BZW2: variants seen among roughly 807,000 people sequenced by gnomAD.
BZW2 encodes basic leucine zipper and W2 domains 2.
In BZW2, 23 loss-of-function variants were observed where a neutral mutation model predicts 53.2. The ratio of observed to expected loss-of-function variants is 0.43; its 90% CI spans 0.31 to 0.61. The LOEUF (loss-of-function observed/expected upper bound fraction) is 0.61, where lower values mean the gene tolerates loss of function less well. Among genes scored for constraint, BZW2 ranks in the 20% least tolerant of loss-of-function variants. BZW2 has a pLI of 0.09. For synonymous variants in BZW2, 227 were observed against 186.4 expected (o/e 1.22, Z -1.77); for missense variants, 409 against 503.1 (o/e 0.81, Z 1.79).
chr7:16,696,855 G>C (rs527639961), intron 8 of BZW2, 60 bp from the exon 9 acceptor site: 1 of 1,572,530 alleles, frequency 6.4e-7, no homozygotes, highest in Non-Finnish European at 8.7e-7. Flanking sequence ...GGCAGCTAGC[G>C]GGGAGATGGG....
chr7:16,682,741 T>C lies in BZW2; in HGVS notation c.340-39T>C, dbSNP rs564499984. On this transcript the variant is annotated intron_variant, in intron 4 of 11. Coordinates refer to ENST00000258761, the MANE Select transcript of BZW2 (RefSeq NM_014038.3). ...TTTCTATTACCTACTTCTGTGTCTTTTTGGTTGACCTAATATTTAATGGTT... is the reference window on the plus strand; with the variant it reads ...TTTCTATTACCTACTTCTGTGTCTTCTTGGTTGACCTAATATTTAATGGTT... 44 of 1,375,200 alleles carry C rather than the reference T, an allele frequency of 3.2e-5. No homozygotes were observed. The South Asian group carries it at 5.5e-4, about 17-fold the overall frequency. 85.2% of individuals were successfully genotyped at this position (1,375,200 alleles called of 1,614,324 possible).
chr7:16,702,285 T>C (rs867841067), intron 10 of BZW2, among the ~76,000 whole-genome samples: 2 of 152,172 alleles, frequency 1.3e-5, no homozygotes, highest in African/African-American at 4.8e-5. Flanking sequence ...CTCTTCGATG[T>C]TCATACTTTG....
chr7:16,659,957 C>T (rs189944849), intron 1 of BZW2, among the ~76,000 whole-genome samples: 15 of 152,008 alleles, frequency 9.9e-5, no homozygotes, highest in African/African-American at 3.1e-4. Flanking sequence ...CCCATTAACT[C>T]GTCATTAACA....
At chr7:16,674,965 T>G (rs1782722737) in intron 3 of BZW2, among the ~76,000 whole-genome samples, 2 of 152,214 alleles carry the variant, frequency 1.3e-5, no homozygotes, top group Admixed American at 6.5e-5. Flanking sequence ...ATTAATGCCA[T>G]TTCATCCATA....
chr7:16,665,440 T>C lies in BZW2; in HGVS notation c.-4T>C, dbSNP rs1185313145. Reference sequence around the variant, plus strand: ...TCTTTATTTTCTTTGTTTTCAGAAATTTTATGAATAAGCATCAGAAGCCAG... The same window carrying C: ...TCTTTATTTTCTTTGTTTTCAGAAACTTTATGAATAAGCATCAGAAGCCAG... On this transcript the variant is annotated 5_prime_UTR_variant, in exon 2 of 12. Transcript: ENST00000258761. 5 of 1,614,046 alleles carry C rather than the reference T, an allele frequency of 3.1e-6. No individual in the cohort carries two copies. Among genetic ancestry groups the C allele is most frequent in the Non-Finnish European group, 4.2e-6 (5 of 1,180,028 alleles).
At chr7:16,671,288 T>C (rs1782590735) in intron 2 of BZW2, among the ~76,000 whole-genome samples, 1 of 152,214 alleles carries the variant, frequency 6.6e-6, no homozygotes, top group African/African-American at 2.4e-5. Context: ...ACATTGTACA[T>C]GCTATTCACA....
rs137913266 is a variant in BZW2, at chr7:16,675,743, C to T, written c.235+1155C>T. 7.2e-5 allele frequency among the ~76,000 whole-genome samples: 11 copies of T among 152,244 alleles called. 1 individual carries two copies. The South Asian group carries it at 1.5e-3, about 20-fold the overall frequency. On this transcript the variant is annotated intron_variant, in intron 3 of 11. Coordinates refer to ENST00000258761, the MANE Select transcript of BZW2 (RefSeq NM_014038.3). ...TATATTGAGCTCAAATCCCATTACC[C>T]GGGAAAAATCATTGTTAACATTTTG...
intron 2 of BZW2, among the ~76,000 whole-genome samples, chr7:16,671,913 A>G (rs2128357280): frequency 9.0e-6 from 1 of 110,780 alleles, no homozygotes; most frequent in African/African-American, 4.3e-5. Flanking sequence ...CCTGGGTGAC[A>G]GAGTGAGACC....
intron 2 of BZW2, among the ~76,000 whole-genome samples, chr7:16,669,368 TC>T (rs1562482035): frequency 6.6e-6 from 1 of 152,220 alleles, no homozygotes; most frequent in Non-Finnish European, 1.5e-5. Flanking sequence ...GCTCAAGTGA[TC>T]CATCTACCTT....
intron 2 of BZW2, among the ~76,000 whole-genome samples, chr7:16,667,062 C>G (rs911122413): frequency 6.6e-6 from 1 of 151,592 alleles, no homozygotes; most frequent in Non-Finnish European, 1.5e-5. Context: ...GCGAGTGGAT[C>G]ACCTAAGGTT....
chr7:16,685,845 A>T (rs1783098899), intron 5 of BZW2, 60 bp from the exon 6 acceptor site: 3 of 1,472,208 alleles, frequency 2.0e-6, no homozygotes, highest in Non-Finnish European at 2.7e-6. Context: ...TGCTTCATAG[A>T]CATGGTTCCT....
intron 6 of BZW2, among the ~76,000 whole-genome samples, chr7:16,687,987 T>C (rs1312611444): frequency 6.6e-6 from 1 of 152,146 alleles, no homozygotes; most frequent in Non-Finnish European, 1.5e-5. Flanking sequence ...AACATGAACT[T>C]TCAGTTAAGG....
At chr7:16,693,573 G>T (rs553314937) in intron 7 of BZW2, among the ~76,000 whole-genome samples, 2 of 152,264 alleles carry the variant, frequency 1.3e-5, no homozygotes, top group African/African-American at 4.8e-5. Flanking sequence ...GCTTAACCTT[G>T]TTGAAACTTG....
At chr7:16,649,937 T>G (rs75094811) in intron 1 of BZW2, among the ~76,000 whole-genome samples, 23 of 152,308 alleles carry the variant, frequency 1.5e-4, no homozygotes, top group African/African-American at 5.3e-4. Context: ...CTCTCTACTT[T>G]TGGATATATT....
intron 6 of BZW2, 23 bp downstream of exon 6, chr7:16,686,063 G>C (rs1371107353): frequency 6.2e-7 from 1 of 1,609,510 alleles, no homozygotes; most frequent in Non-Finnish European, 8.5e-7. Context: ...CTGTTTTCTC[G>C]CCTGTCAGAC....
At chr7:16,674,120 G>A (rs759543653) in intron 2 of BZW2, among the ~76,000 whole-genome samples, 9 of 152,022 alleles carry the variant, frequency 5.9e-5, no homozygotes, top group African/African-American at 1.7e-4. Flanking sequence ...GGCTGGTCTC[G>A]AATTCCTGAC....
At chr7:16,677,051 CTTTTTT>C (rs10660587) in intron 3 of BZW2, among the ~76,000 whole-genome samples, 1 of 130,072 alleles carries the variant, frequency 7.7e-6, no homozygotes, top group African/African-American at 2.8e-5. Context: ...GCCCAGATTT[CTTTTTT>C]TTTTTTTTTT....
intron 1 of BZW2, chr7:16,661,996 A>G (rs1015160800): frequency 6.6e-6 from 1 of 152,136 alleles, no homozygotes; most frequent in Non-Finnish European, 1.5e-5. Context: ...ACATTGGCCT[A>G]ATAGAACTGT....
At chr7:16,656,013 T>G (rs1011385151) in intron 1 of BZW2, among the ~76,000 whole-genome samples, 1 of 151,996 alleles carries the variant, frequency 6.6e-6, no homozygotes, top group African/African-American at 2.4e-5. Context: ...ATTCAGTAAA[T>G]TTTAACATAG....
Sources: allele counts gnomAD v4.1 joint callset (sites outside exome capture counted in the v4.1 genomes callset), GRCh38; gene constraint gnomAD v4.1.1; transcripts MANE v1.5; gene names NCBI Gene and HGNC (gene_info 2026-07-23, HGNC 2026-07-21).